The following INVS variants were observed in gnomAD, a reference collection of about 807,000 sequenced individuals.
The protein encoded by INVS is inversion of embryo turning homolog.
Under a neutral mutation model 108.8 loss-of-function variants are expected in INVS, and 86 were observed. That is an observed-to-expected ratio of 0.79 (90% CI 0.66 to 0.95). The LOEUF is 0.95. Among genes scored for constraint, INVS ranks in the 40% least tolerant of loss-of-function variants. The pLI is 0.00. For synonymous variants in INVS, 455 were observed against 473.5 expected (o/e 0.96, Z 0.51); for missense variants, 1,169 against 1,297.4 (o/e 0.90, Z 1.52).
At chr9:100,230,626 C>T (rs1831478398) in intron 5 of INVS, among the ~76,000 whole-genome samples, 1 of 152,174 alleles carries the variant, frequency 6.6e-6, no homozygotes, top group African/African-American at 2.4e-5. Context: ...TTAAGCAATT[C>T]TCCTGCCTCA....
At chr9:100,126,120 G>T (rs1484326765) in intron 2 of INVS, among the ~76,000 whole-genome samples, 5 of 152,188 alleles carry the variant, frequency 3.3e-5, no homozygotes, top group Admixed American at 3.3e-4. Flanking sequence ...CAAAATGTTA[G>T]TTCAGCATAA....
chr9:100,118,393 G>A (rs1422724592), intron 2 of INVS, among the ~76,000 whole-genome samples: 1 of 151,478 alleles, frequency 6.6e-6, no homozygotes, highest in Non-Finnish European at 1.5e-5. Flanking sequence ...ATTTTTAGTA[G>A]AAACGGGGTT....
chr9:100,300,983 A>C lies in INVS; in HGVS notation c.*309A>C. On this transcript the variant is annotated 3_prime_UTR_variant, in exon 17 of 17. Coordinates refer to ENST00000262457, the MANE Select transcript of INVS (RefSeq NM_014425.5). ...GAAATGAGAATTCATAATTAACAGC[A>C]AAATCTAAGGAAAACTACGGCTGCT... 2.8e-6 allele frequency: 1 copy of C among 351,022 alleles called. No homozygotes were observed. Among genetic ancestry groups the C allele is most frequent in the South Asian group, 3.4e-5 (1 of 29,624 alleles). 21.7% of individuals were successfully genotyped at this position (351,022 alleles called of 1,614,324 possible). A position where few individuals can be genotyped will look rare whatever the true frequency, so the allele number is the denominator to read the frequency against.
chr9:100,106,593 C>T (rs1346195226), intron 2 of INVS, among the ~76,000 whole-genome samples: 1 of 152,174 alleles, frequency 6.6e-6, no homozygotes, highest in Non-Finnish European at 1.5e-5. Flanking sequence ...AACCTATCTT[C>T]CTGGCAACTA....
intron 3 of INVS, among the ~76,000 whole-genome samples, chr9:100,153,006 TGTG>T (rs1186880379): frequency 8.0e-5 from 4 of 50,006 alleles, no homozygotes; most frequent in South Asian, 7.2e-4. Flanking sequence ...GTTAACTAAT[TGTG>T]TGTGTGTGTG....
At chr9:100,235,745 C>A (rs879661155) in intron 5 of INVS, among the ~76,000 whole-genome samples, 5 of 152,196 alleles carry the variant, frequency 3.3e-5, no homozygotes, top group Non-Finnish European at 7.3e-5. Context: ...GCTGTTAAGT[C>A]TGATGGGTTT....
At chr9:100,237,802 C>G (rs1831736995) in intron 5 of INVS, among the ~76,000 whole-genome samples, 1 of 152,098 alleles carries the variant, frequency 6.6e-6, no homozygotes, top group African/African-American at 2.4e-5. Flanking sequence ...TCCTATTTGG[C>G]CATCTTGCTG....
intron 3 of INVS, among the ~76,000 whole-genome samples, chr9:100,216,959 C>G (rs531723637): frequency 6.6e-6 from 1 of 152,294 alleles, no homozygotes; most frequent in South Asian, 2.1e-4. Flanking sequence ...CACCCTTGAA[C>G]CTAAGGATAC....
chr9:100,167,159 A>G (rs1829389241), intron 3 of INVS, among the ~76,000 whole-genome samples: 1 of 151,848 alleles, frequency 6.6e-6, no homozygotes, highest in African/African-American at 2.4e-5. Context: ...TGAACCTGGG[A>G]GTTGGAGTTT....
intron 3 of INVS, among the ~76,000 whole-genome samples, chr9:100,170,696 A>G (rs1217539332): frequency 2.0e-5 from 3 of 152,154 alleles, no homozygotes; most frequent in Admixed American, 6.5e-5. Context: ...TCTATGACCT[A>G]TAAACAAAAT....
rs1564167431 is a variant in INVS at position 100,229,737 on chromosome 9, T to A, written c.525T>A (p.Ile175=). The change falls in exon 5 of 17, where the codon ATT becomes ATA. Residue 175 remains isoleucine, a synonymous_variant. Transcript: ENST00000262457. ...TGCTCATCAAGCATGATTCTAACAT[T>A]GGGATTCCTGATGTTGAAGGCAAGA... ...VKLLIKHDSN[I]GIPDVEGKIP... 1 of 1,613,830 alleles carries A rather than the reference T, an allele frequency of 6.2e-7. No homozygotes were observed. The highest frequency in any genetic ancestry group is 8.5e-7 in the Non-Finnish European group (1 of 1,179,708).
chr9:100,207,783 C>A (rs968170138), intron 3 of INVS, among the ~76,000 whole-genome samples: 1 of 152,102 alleles, frequency 6.6e-6, no homozygotes, highest in Non-Finnish European at 1.5e-5. Flanking sequence ...TTTTTTCTTA[C>A]TTTGTTTTCC....
rs534259928 is a variant in INVS at position 100,242,528 on chromosome 9, A to G, written c.797-42A>G. 6.9e-6 allele frequency: 7 copies of G among 1,012,292 alleles called. No homozygotes were observed. The South Asian group carries it at 7.7e-5, about 11-fold the overall frequency. 62.7% of individuals were successfully genotyped at this position (1,012,292 alleles called of 1,614,324 possible). On this transcript the variant is annotated intron_variant, in intron 6 of 16. Transcript: ENST00000262457. Reference sequence around the variant, plus strand: ...TTAAATAGATTATAAATTAATTAACATCCTTTATAAGTGATAATTACCTTT... The same window carrying G: ...TTAAATAGATTATAAATTAATTAACGTCCTTTATAAGTGATAATTACCTTT...
chr9:100,135,986 C>G (rs2118928916), intron 3 of INVS, among the ~76,000 whole-genome samples: 1 of 151,974 alleles, frequency 6.6e-6, no homozygotes, highest in African/African-American at 2.4e-5. Flanking sequence ...GGACAGGTTT[C>G]AAGCAGAAGA....
intron 3 of INVS, among the ~76,000 whole-genome samples, chr9:100,147,535 C>G (rs1465011997): frequency 2.0e-5 from 3 of 152,140 alleles, no homozygotes; most frequent in African/African-American, 7.2e-5. Context: ...ATACTCTGCT[C>G]CTGGGATAGT....
intron 3 of INVS, among the ~76,000 whole-genome samples, chr9:100,132,254 AAT>A (rs1264083979): frequency 9.2e-5 from 14 of 152,170 alleles, no homozygotes; most frequent in Admixed American, 3.3e-4. Flanking sequence ...TGAATGAATG[AAT>A]GAATGAATCA....
Position 100,229,015 on chromosome 9 carries a change from A to T in INVS, c.448-645A>T, listed in dbSNP as rs539198508. Among the ~76,000 whole-genome samples, 44 of 152,352 alleles carry T rather than the reference A, an allele frequency of 2.9e-4. No homozygotes were observed. The South Asian group carries it at 4.8e-3, about 16-fold the overall frequency. On this transcript the variant is annotated intron_variant, in intron 4 of 16. Transcript: ENST00000262457. ...TAAGCACTTATCAGGCACTATGGCC[A>T]TAATTTTTGCAGTTTGGTATGCAAC...
intron 10 of INVS, among the ~76,000 whole-genome samples, chr9:100,254,891 G>A (rs1832364944): frequency 6.6e-6 from 1 of 152,140 alleles, no homozygotes; most frequent in Non-Finnish European, 1.5e-5. Context: ...GATTGTCTTG[G>A]CAATGCGGGC....
At position 100,240,077 on chromosome 9, in the gene INVS, G is replaced by A; in HGVS notation, c.633G>A (p.Glu211=). ...CAAATCAGGATGCTGCTCCAACAGAGTCTTTACTGAACTGGCAAGACTACG... is the reference window on the plus strand; with the variant it reads ...CAAATCAGGATGCTGCTCCAACAGAATCTTTACTGAACTGGCAAGACTACG... The part of the protein sequence containing the change: ...VRCILDAAPT[E]SLLNWQDYEG... Residue 211 remains glutamate (E), a synonymous_variant, in exon 6 of 17, where the codon GAG becomes GAA. Transcript: ENST00000262457. The A allele has an allele frequency of 6.2e-7, 1 of 1,614,140 alleles. No homozygotes were observed. The highest frequency in any genetic ancestry group is 8.5e-7 in the Non-Finnish European group (1 of 1,179,998).
Sources: gnomAD v4.1 joint callset for allele counts (sites outside exome capture counted in the v4.1 genomes callset) on GRCh38, gnomAD v4.1.1 for gene constraint, MANE v1.5 for transcripts, NCBI Gene and HGNC (gene_info 2026-07-23, HGNC 2026-07-21) for gene names.